The following TRPM7 variants were observed in gnomAD, a reference collection of about 807,000 sequenced individuals.
TRPM7 encodes LTRPC ion channel family member 7.
TRPM7 carries 134 observed loss-of-function variants against 229.7 expected under a neutral mutation model. The ratio of observed to expected loss-of-function variants is 0.58; its 90% CI spans 0.51 to 0.67. The LOEUF is 0.67. Ranked by LOEUF, TRPM7 falls within the 30% of genes least tolerant of loss-of-function variation. The probability of loss-of-function intolerance (pLI) is 0.00; values close to 1 mark genes in which losing one functional copy is unlikely to be tolerated. For missense variants in TRPM7, 1,901 were observed against 2,210.0 expected (o/e 0.86, Z 2.80); for synonymous variants, 699 against 715.2 (o/e 0.98, Z 0.36).
At chr15:50,663,783 T>C (rs771302964) in intron 1 of TRPM7, among the ~76,000 whole-genome samples, 7 of 152,052 alleles carry the variant, frequency 4.6e-5, no homozygotes, top group Non-Finnish European at 7.4e-5. Context: ...GAAAACATGG[T>C]GAAACGCCAT....
At position 50,624,272 on chromosome 15, in the gene TRPM7, T is replaced by C; in HGVS notation, c.1334A>G (p.Asp445Gly). ...TGCAACTCTATCCATTACAAGAGCATCAAGCATAGCTTGTTCCAAGGATCC... is the reference window on the plus strand; with the variant it reads ...TGCAACTCTATCCATTACAAGAGCACCAAGCATAGCTTGTTCCAAGGATCC... ...LVGSLEQAMLDALVMDRVAFV... is the reference protein window; with the variant it reads ...LVGSLEQAMLGALVMDRVAFV... Residue 445 changes from aspartate (D) to glycine (G), a missense_variant, in exon 12 of 39, where the codon GAT becomes GGT. By Grantham distance (94) the Asp-to-Gly change is moderately conservative (BLOSUM62 -1). Around this residue, in one of 8 missense-constraint regions of TRPM7, gnomAD observed 794 missense variants for 881.9 expected, o/e 0.90. Coordinates refer to ENST00000646667, the MANE Select transcript of TRPM7 (RefSeq NM_017672.6). The C allele has an allele frequency of 6.2e-7, 1 of 1,611,334 alleles. No individual in the cohort carries two copies. The highest frequency in any genetic ancestry group is 8.5e-7 in the Non-Finnish European group (1 of 1,178,844).
rs1272511757 is a variant in TRPM7, at chr15:50,663,925, T to G, written c.4-879A>C. 3.3e-5 allele frequency among the ~76,000 whole-genome samples: 5 copies of G among 151,860 alleles called. No homozygotes were observed. In the East Asian group the frequency reaches 9.7e-4, roughly 29 times the overall value. On this transcript the variant is annotated intron_variant, in intron 1 of 38. Transcript: ENST00000646667. ...ATGCAGTCAGCCATGATCAGGCCAC[T>G]GCACTCCAGCCTGAGTGAAAGAGTG... is the stretch of plus-strand genomic sequence containing the variant.
intron 19 of TRPM7, among the ~76,000 whole-genome samples, chr15:50,608,860 T>C (rs1186398384): frequency 6.6e-6 from 1 of 152,222 alleles, no homozygotes; most frequent in African/African-American, 2.4e-5. Flanking sequence ...TCATTTGCTG[T>C]ATCACCTGTT....
At chr15:50,580,825 C>A in intron 30 of TRPM7, 49 bp downstream of exon 30, 1 of 1,530,396 alleles carries the variant, frequency 6.5e-7, no homozygotes, top group South Asian at 1.3e-5. Context: ...AGACAACATT[C>A]AATAACTATG....
At chr15:50,645,948 G>A (rs1019342109) in intron 4 of TRPM7, among the ~76,000 whole-genome samples, 3 of 151,836 alleles carry the variant, frequency 2.0e-5, no homozygotes, top group African/African-American at 7.3e-5. Flanking sequence ...ATCACTTGAG[G>A]TCAAGAGTTC....
chr15:50,602,576 C>T (rs1291763368), intron 21 of TRPM7, among the ~76,000 whole-genome samples: 6 of 152,126 alleles, frequency 3.9e-5, no homozygotes, highest in East Asian at 1.9e-4. Flanking sequence ...TCTATCTTCA[C>T]GTAACAATTT....
rs1442937334 is a variant in TRPM7, at chr15:50,648,732, A to C, written c.276T>G (p.Tyr92Ter). The C allele has an allele frequency of 6.2e-7, 1 of 1,612,728 alleles. No homozygotes were observed. The highest frequency in any genetic ancestry group is 1.1e-5 in the South Asian group (1 of 90,892). Residue 92 changes from tyrosine to a stop codon, truncating the protein, a stop_gained, in exon 4 of 39, where the codon TAT becomes TAG. Coordinates refer to ENST00000646667, the MANE Select transcript of TRPM7 (RefSeq NM_017672.6). LOFTEE classifies it high-confidence loss of function. ...KHTEQSPTDA[Y>*]GVINFQGGSH... ...AACCCCCTTGAAAATTTATGACTCC[A>C]TAAGCATCCGTTGGGCTCTGTTCTG...
At chr15:50,658,155 C>A (rs1214214376) in intron 2 of TRPM7, among the ~76,000 whole-genome samples, 1 of 152,024 alleles carries the variant, frequency 6.6e-6, no homozygotes, top group African/African-American at 2.4e-5. Flanking sequence ...CAGGCTCCTG[C>A]CACCATGCCC....
intron 1 of TRPM7, among the ~76,000 whole-genome samples, chr15:50,673,818 G>A (rs1460099719): frequency 6.6e-6 from 1 of 152,096 alleles, no homozygotes; most frequent in African/African-American, 2.4e-5. Context: ...GTATCAAATG[G>A]TATCCTAAGG....
Position 50,574,685 on chromosome 15 carries a change from G to GT in TRPM7, c.5053dup (p.Thr1685AsnfsTer5). The GT allele has an allele frequency of 6.2e-7, 1 of 1,613,830 alleles. No homozygotes were observed. The highest frequency in any genetic ancestry group is 8.5e-7 in the Non-Finnish European group (1 of 1,179,926). ...GGGTTTCATTTGATTAAAGGCAAAC[G>GT]TAAGCTTTTGTGCTGCTCTCTGTTG... On this transcript the variant is annotated frameshift_variant, in exon 35 of 39. Transcript: ENST00000646667. LOFTEE classifies it high-confidence loss of function.
chr15:50,676,935 C>T (rs1270735815), intron 1 of TRPM7, among the ~76,000 whole-genome samples: 1 of 152,150 alleles, frequency 6.6e-6, no homozygotes, highest in Admixed American at 6.6e-5. Context: ...CTCCAGGCAG[C>T]CCAGCTAAAT....
intron 31 of TRPM7, among the ~76,000 whole-genome samples, chr15:50,577,665 A>G (rs2054201197): frequency 6.6e-6 from 1 of 152,208 alleles, no homozygotes; most frequent in Admixed American, 6.5e-5. Context: ...AGTAATTACC[A>G]AATGTGAACA....
intron 1 of TRPM7, among the ~76,000 whole-genome samples, chr15:50,685,910 C>T (rs1384042550): frequency 6.6e-6 from 1 of 152,144 alleles, no homozygotes; most frequent in African/African-American, 2.4e-5. Context: ...CCTCCCCCCA[C>T]CCACCAAAAT....
At chr15:50,583,262 G>A in intron 28 of TRPM7, 103 bp from the exon 29 acceptor site, 1 of 688,322 alleles carries the variant, frequency 1.5e-6, no homozygotes, top group Non-Finnish European at 2.3e-6. Context: ...ACCTTCATAA[G>A]ATAACTCAAC....
chr15:50,557,453 G>C lies in TRPM7; in HGVS notation c.*4225C>G, dbSNP rs183512445. The C allele has an allele frequency of 3.3e-5, 5 of 152,262 alleles. No individual in the cohort carries two copies. The highest frequency in any genetic ancestry group is 1.2e-4 in the African/African-American group (5 of 41,554). The allele number at this position is 152,262 out of a possible 1,614,324, so 9.4% of individuals were successfully genotyped here. On this transcript the variant is annotated 3_prime_UTR_variant, in exon 39 of 39. Coordinates refer to ENST00000646667, the MANE Select transcript of TRPM7 (RefSeq NM_017672.6). ...CTATGAAAACAACATAGTCTGACTT[G>C]AGAGTGGGGAAAGTGGAACAAGGGA...
At chr15:50,637,849 G>T (rs2060952771) in intron 6 of TRPM7, among the ~76,000 whole-genome samples, 1 of 152,210 alleles carries the variant, frequency 6.6e-6, no homozygotes, top group South Asian at 2.1e-4. Flanking sequence ...CACATGCAAA[G>T]AGAGAAGCAA....
chr15:50,627,408 G>T (rs1056267060), intron 11 of TRPM7, among the ~76,000 whole-genome samples: 1 of 152,158 alleles, frequency 6.6e-6, no homozygotes, highest in Non-Finnish European at 1.5e-5. Flanking sequence ...ACGTGGGTAT[G>T]TAGGGAAAAA....
chr15:50,635,148 T>TCTA (rs1437392068), intron 7 of TRPM7, among the ~76,000 whole-genome samples: 1 of 150,540 alleles, frequency 6.6e-6, no homozygotes, highest in Non-Finnish European at 1.5e-5. Flanking sequence ...AAACCCTGTC[T>TCTA]CTACTGAAAA....
chr15:50,644,902 GTTTT>G (rs1462949136), intron 4 of TRPM7, among the ~76,000 whole-genome samples: 1 of 151,362 alleles, frequency 6.6e-6, no homozygotes, highest in Non-Finnish European at 1.5e-5. Context: ...TTGGTTTTTG[GTTTT>G]GTTTTGTTTT....
Sources: gnomAD v4.1 joint callset for allele counts (sites outside exome capture counted in the v4.1 genomes callset) on GRCh38, gnomAD v4.1.1 for gene constraint, gnomAD v4.1.1 regional missense constraint, MANE v1.5 for transcripts, NCBI Gene and HGNC (gene_info 2026-07-23, HGNC 2026-07-21) for gene names.